Variants in DLGAP4 observed in about 807,000 individuals in gnomAD.
DLGAP4 encodes DLG associated protein 4.
A neutral mutation model predicts 86.9 loss-of-function variants in DLGAP4; 18 were observed. That is an observed-to-expected ratio of 0.21 (90% CI 0.14 to 0.31). The LOEUF (loss-of-function observed/expected upper bound fraction) is 0.31, where lower values mean the gene tolerates loss of function less well. Ranked by LOEUF, DLGAP4 falls within the 10% of genes least tolerant of loss-of-function variation. The pLI is 1.00. For synonymous variants in DLGAP4, 548 were observed against 574.3 expected, an observed-to-expected ratio of 0.95 and a Z score of 0.65; for missense variants, 1,085 against 1,362.6, an observed-to-expected ratio of 0.80 and a Z score of 3.21.
chr20:36,438,324 A>C (rs1295142850), intron 4 of DLGAP4, among the ~76,000 whole-genome samples: 2 of 151,630 alleles, frequency 1.3e-5, no homozygotes, highest in Non-Finnish European at 2.9e-5. Flanking sequence ...CAGGGAGCTG[A>C]GATCGTGCCA....
chr20:36,489,933 A>G (rs866052493), intron 7 of DLGAP4, among the ~76,000 whole-genome samples: 3 of 138,098 alleles, frequency 2.2e-5, no homozygotes, highest in Non-Finnish European at 1.5e-5. Flanking sequence ...ATCCTGGCTC[A>G]CTGCAACCTT....
chr20:36,317,622 T>TA (rs1346388237), intron 1 of DLGAP4, among the ~76,000 whole-genome samples: 30 of 144,668 alleles, frequency 2.1e-4, no homozygotes, highest in African/African-American at 6.6e-4. Flanking sequence ...CCCAGCTAAT[T>TA]AAAAAAAAAA....
chr20:36,317,478 T>G (rs1363660734), intron 1 of DLGAP4, among the ~76,000 whole-genome samples: 1 of 141,126 alleles, frequency 7.1e-6, no homozygotes, highest in African/African-American at 2.8e-5. Flanking sequence ...TTTTTTTTTT[T>G]GTCAGAGCTC....
chr20:36,380,591 TAAAGAGAGAGAGAG>T (rs2031338987), intron 2 of DLGAP4, among the ~76,000 whole-genome samples: 1 of 101,378 alleles, frequency 9.9e-6, no homozygotes, highest in African/African-American at 3.7e-5. Context: ...CTGTCTGCAT[TAAAGAGAGAGAGAG>T]AGAGAGAGAG....
intron 1 of DLGAP4, among the ~76,000 whole-genome samples, chr20:36,339,492 A>G (rs1334311693): frequency 1.3e-5 from 2 of 152,108 alleles, no homozygotes; most frequent in African/African-American, 4.8e-5. Context: ...GGCTCAAGTG[A>G]TCCTCCCACC....
At position 36,456,208 on chromosome 20, in the gene DLGAP4, G is replaced by A. The variant is rs192074685; in HGVS notation, c.1648+9271G>A. Reference sequence around the variant, plus strand: ...ATTTCACAAAGAAACATCAGCCTAGGGAAGATGATTATCTATCAAGGTCAA... The same window carrying A: ...ATTTCACAAAGAAACATCAGCCTAGAGAAGATGATTATCTATCAAGGTCAA... On this transcript the variant is annotated intron_variant, in intron 7 of 12. Transcript: ENST00000339266. Among the ~76,000 whole-genome samples, 640 of 152,300 alleles carry A rather than the reference G, an allele frequency of 4.2e-3. 8 individuals carry two copies. The highest frequency in any genetic ancestry group is 0.015 in the African/African-American group (622 of 41,558).
intron 2 of DLGAP4, among the ~76,000 whole-genome samples, chr20:36,404,021 C>T (rs890970461): frequency 2.0e-5 from 3 of 152,200 alleles, no homozygotes; most frequent in Non-Finnish European, 1.5e-5. Flanking sequence ...CACATACTGT[C>T]ATTTCCACAG....
At chr20:36,373,279 A>G (rs2031014747) in intron 2 of DLGAP4, among the ~76,000 whole-genome samples, 1 of 152,232 alleles carries the variant, frequency 6.6e-6, no homozygotes, top group Non-Finnish European at 1.5e-5. Flanking sequence ...CCAGGACCTC[A>G]GGGCCACCAG....
At chr20:36,408,419 C>T (rs1295880683) in intron 2 of DLGAP4, among the ~76,000 whole-genome samples, 2 of 152,150 alleles carry the variant, frequency 1.3e-5, no homozygotes, top group Non-Finnish European at 2.9e-5. Flanking sequence ...GCTCCCCATC[C>T]GTCATTGGTT....
chr20:36,450,358 C>T (rs539209122), intron 7 of DLGAP4, among the ~76,000 whole-genome samples: 40 of 152,162 alleles, frequency 2.6e-4, no homozygotes, highest in African/African-American at 9.4e-4. Flanking sequence ...ATTAGCCAGG[C>T]GTGGTGGTGC....
At chr20:36,345,879 T>G (rs2029920660) in intron 1 of DLGAP4, among the ~76,000 whole-genome samples, 1 of 152,134 alleles carries the variant, frequency 6.6e-6, no homozygotes, top group African/African-American at 2.4e-5. Flanking sequence ...CACCTCAGCC[T>G]CCCAAGTAGC....
At chr20:36,311,526 G>A (rs952274158) in intron 1 of DLGAP4, among the ~76,000 whole-genome samples, 2 of 152,122 alleles carry the variant, frequency 1.3e-5, no homozygotes, top group East Asian at 3.8e-4. Context: ...TGATGTTGAC[G>A]ATGATAATAA....
At chr20:36,397,712 C>T (rs920603286) in intron 2 of DLGAP4, among the ~76,000 whole-genome samples, 2 of 152,122 alleles carry the variant, frequency 1.3e-5, no homozygotes, top group African/African-American at 2.4e-5. Flanking sequence ...CCTCAGCCCA[C>T]GAGTTATTTA....
intron 7 of DLGAP4, among the ~76,000 whole-genome samples, chr20:36,456,360 G>C (rs987439905): frequency 6.6e-6 from 1 of 152,212 alleles, no homozygotes; most frequent in South Asian, 2.1e-4. Flanking sequence ...ACAAGCATGG[G>C]TAATGAAGGT....
chr20:36,499,648 A>G lies in DLGAP4; in HGVS notation c.2071A>G (p.Ile691Val), dbSNP rs139222101. The change falls in exon 9 of 13, where the codon ATC becomes GTC. Residue 691 changes from isoleucine to valine, a missense_variant. Around this residue, in one of 2 missense-constraint regions of DLGAP4, gnomAD observed 1,082 missense variants for 1,344.1 expected, o/e 0.81. Transcript: ENST00000339266. Reference sequence around the variant, plus strand: ...CAGTCCCGCTACCAAATTCCAGTCCATCGGGGTTCAGGTAGAGGACGACTG... The same window carrying G: ...CAGTCCCGCTACCAAATTCCAGTCCGTCGGGGTTCAGGTAGAGGACGACTG... The part of the protein sequence containing the change: ...EPSPATKFQS[I>V]GVQVEDDWRS... The G allele has an allele frequency of 1.9e-4, 304 of 1,613,894 alleles. No homozygotes were observed. Among genetic ancestry groups the G allele is most frequent in the Non-Finnish European group, 1.9e-4 (219 of 1,179,950 alleles).
At chr20:36,486,062 G>A (rs1349104285) in intron 7 of DLGAP4, among the ~76,000 whole-genome samples, 1 of 152,126 alleles carries the variant, frequency 6.6e-6, no homozygotes, top group Non-Finnish European at 1.5e-5. Context: ...TAAAAGACCA[G>A]GAATAAATCA....
At chr20:36,421,923 G>A (rs930533555) in intron 2 of DLGAP4, among the ~76,000 whole-genome samples, 2 of 152,126 alleles carry the variant, frequency 1.3e-5, no homozygotes, top group Non-Finnish European at 2.9e-5. Flanking sequence ...AAGGCCATGC[G>A]TCAGGATGAG....
chr20:36,488,380 T>C (rs2035512503), intron 7 of DLGAP4, among the ~76,000 whole-genome samples: 1 of 152,102 alleles, frequency 6.6e-6, no homozygotes, highest in South Asian at 2.1e-4. Context: ...ACCTCCTTCA[T>C]ACTGGTTTTG....
At chr20:36,462,486 T>C (rs1464861450) in intron 7 of DLGAP4, 1 of 1,581,690 alleles carries the variant, frequency 6.3e-7, no homozygotes, top group East Asian at 2.4e-5. Flanking sequence ...GCCCCCTGTC[T>C]CCCCTTCTCT....
Sources: gnomAD v4.1 joint callset for allele counts (sites outside exome capture counted in the v4.1 genomes callset) on GRCh38, gnomAD v4.1.1 for gene constraint, gnomAD v4.1.1 regional missense constraint, MANE v1.5 for transcripts, NCBI Gene and HGNC (gene_info 2026-07-23, HGNC 2026-07-21) for gene names.